The following INPP4B variants were observed in gnomAD, a reference collection of about 807,000 sequenced individuals.
INPP4B encodes inositol polyphosphate-4-phosphatase type II B, also known as inositol polyphosphate 4-phosphatase type II.
Under a neutral mutation model 122.5 loss-of-function variants are expected in INPP4B, and 55 were observed. The ratio of observed to expected loss-of-function variants is 0.45; its 90% CI spans 0.36 to 0.56. INPP4B has a LOEUF of 0.56. Ranked by LOEUF, INPP4B falls within the 20% of genes least tolerant of loss-of-function variation. The pLI is 0.00. For synonymous variants in INPP4B, 403 were observed against 388.7 expected (o/e 1.04, Z -0.43); for missense variants, 1,000 against 1,097.7 (o/e 0.91, Z 1.26).
intron 7 of INPP4B, among the ~76,000 whole-genome samples, chr4:142,333,044 T>C (rs1579764474): frequency 6.8e-6 from 1 of 147,536 alleles, no homozygotes; most frequent in African/African-American, 2.5e-5. Context: ...AAAAACCTTC[T>C]AAAACCGCAG....
chr4:142,306,776 G>A (rs1308076394), intron 8 of INPP4B, among the ~76,000 whole-genome samples: 2 of 152,182 alleles, frequency 1.3e-5, no homozygotes, highest in East Asian at 3.9e-4. Context: ...CCTGGAGGCT[G>A]AGGCAGGAGG....
chr4:142,623,764 T>C (rs1285441075), intron 2 of INPP4B, among the ~76,000 whole-genome samples: 1 of 142,520 alleles, frequency 7.0e-6, no homozygotes, highest in Non-Finnish European at 1.5e-5. Context: ...TTCCCCTTCC[T>C]GTGTCCATGT....
At chr4:142,054,146 C>A (rs1342348827) in intron 25 of INPP4B, among the ~76,000 whole-genome samples, 2 of 151,984 alleles carry the variant, frequency 1.3e-5, no homozygotes, top group African/African-American at 4.8e-5. Context: ...ATTCTCTGAT[C>A]ATACTGTATG....
chr4:142,280,167 C>T (rs903115298), intron 9 of INPP4B, among the ~76,000 whole-genome samples: 1 of 151,838 alleles, frequency 6.6e-6, no homozygotes, highest in African/African-American at 2.4e-5. Flanking sequence ...CACACACTTA[C>T]ATAAACCAGC....
intron 1 of INPP4B, among the ~76,000 whole-genome samples, chr4:142,820,198 T>G (rs1666323894): frequency 6.6e-6 from 1 of 152,168 alleles, no homozygotes; most frequent in South Asian, 2.1e-4. Context: ...CATGTTGAAG[T>G]CTTATCCCAA....
intron 2 of INPP4B, among the ~76,000 whole-genome samples, chr4:142,526,261 T>C (rs906294744): frequency 6.6e-5 from 10 of 152,016 alleles, no homozygotes; most frequent in Non-Finnish European, 1.5e-4. Context: ...AAAACAAATT[T>C]CATCTTGTAT....
intron 2 of INPP4B, among the ~76,000 whole-genome samples, chr4:142,559,372 T>C (rs1425521): frequency 0.96 from 146,787 of 152,128 alleles, 70,911 homozygotes; most frequent in Non-Finnish European, 0.99. Flanking sequence ...ATTCTTAATA[T>C]GTACCTTGTA....
In INPP4B at chr4:142,025,754, A is replaced by C. The variant is rs529644362; in HGVS notation, c.*3028T>G. The C allele has an allele frequency of 6.6e-6, 1 of 152,314 alleles. No individual in the cohort carries two copies. The highest frequency in any genetic ancestry group is 2.1e-4 in the South Asian group (1 of 4,830). 9.4% of individuals were successfully genotyped at this position (152,314 alleles called of 1,614,324 possible). A position where few individuals can be genotyped will look rare whatever the true frequency, so the allele number is the denominator to read the frequency against. ...GAAGAGGGGTTAGTCTTATAAAATA[A>C]GGGCTGGAGGCTGGGTCCATGGAGC... On this transcript the variant is annotated 3_prime_UTR_variant, in exon 26 of 26. Transcript: ENST00000262992.
At chr4:142,289,492 C>A (rs1487265687) in intron 9 of INPP4B, among the ~76,000 whole-genome samples, 1 of 152,130 alleles carries the variant, frequency 6.6e-6, no homozygotes, top group African/African-American at 2.4e-5. Context: ...GGGTATTAAT[C>A]CCAGCATCCA....
intron 2 of INPP4B, among the ~76,000 whole-genome samples, chr4:142,540,694 T>C (rs1385339913): frequency 6.6e-6 from 1 of 152,152 alleles, no homozygotes; most frequent in Non-Finnish European, 1.5e-5. Context: ...ATTCTAGGAA[T>C]CATGCATAGT....
chr4:142,629,654 A>T (rs139469158), intron 2 of INPP4B, among the ~76,000 whole-genome samples: 2 of 152,028 alleles, frequency 1.3e-5, no homozygotes, highest in African/African-American at 4.8e-5. Flanking sequence ...ATGAAAAAAC[A>T]TGACACACTT....
intron 12 of INPP4B, among the ~76,000 whole-genome samples, chr4:142,237,491 T>C (rs117756173): frequency 1.3e-5 from 2 of 152,236 alleles, no homozygotes; most frequent in East Asian, 3.9e-4. Flanking sequence ...TATTTTGTTA[T>C]TAAATCATCT....
At chr4:142,393,707 C>G (rs67947007) in intron 7 of INPP4B, among the ~76,000 whole-genome samples, 16,799 of 152,260 alleles carry the variant, frequency 0.11, 1,059 homozygotes, top group East Asian at 0.18. Flanking sequence ...ATAGCTGAGT[C>G]TTGGCCAATC....
At chr4:142,313,905 G>A (rs1057056951) in intron 8 of INPP4B, among the ~76,000 whole-genome samples, 1 of 152,166 alleles carries the variant, frequency 6.6e-6, no homozygotes, top group African/African-American at 2.4e-5. Context: ...TCCTTGGCAG[G>A]TTTGAGAAAG....
In INPP4B at chr4:142,490,497, T is replaced by C. The variant is rs80157863; in HGVS notation, c.-190-27771A>G. On this transcript the variant is annotated intron_variant, in intron 2 of 25. Transcript: ENST00000262992. ...TATGATGTTTTGATATATGTATACA[T>C]TGTGCAATAGCTAAATCAAGCTAAT... is the stretch of plus-strand genomic sequence containing the variant. Among the ~76,000 whole-genome samples the C allele has an allele frequency of 7.2e-3, 1,090 of 152,292 alleles. 16 individuals are homozygous for C. The highest frequency in any genetic ancestry group is 0.025 in the African/African-American group (1,033 of 41,554).
At chr4:142,605,534 G>T (rs1280070905) in intron 2 of INPP4B, among the ~76,000 whole-genome samples, 1 of 151,830 alleles carries the variant, frequency 6.6e-6, no homozygotes, top group Non-Finnish European at 1.5e-5. Context: ...TTATCCAACA[G>T]GGGACTGCTC....
At chr4:142,069,978 C>T (rs1313231347) in intron 25 of INPP4B, among the ~76,000 whole-genome samples, 1 of 151,628 alleles carries the variant, frequency 6.6e-6, no homozygotes, top group Non-Finnish European at 1.5e-5. Context: ...TCCTCCCTAA[C>T]TCATTTATGA....
At chr4:142,271,528 T>C (rs1011693409) in intron 9 of INPP4B, among the ~76,000 whole-genome samples, 2 of 152,252 alleles carry the variant, frequency 1.3e-5, no homozygotes, top group African/African-American at 4.8e-5. Context: ...ATGACTGGGC[T>C]ATTGGCTACA....
chr4:142,585,493 C>G (rs1216274771), intron 2 of INPP4B, among the ~76,000 whole-genome samples: 2 of 152,254 alleles, frequency 1.3e-5, no homozygotes, highest in East Asian at 3.9e-4. Context: ...CACACAAACT[C>G]TCTCTGTGGG....
Sources: allele counts gnomAD v4.1 joint callset (sites outside exome capture counted in the v4.1 genomes callset), GRCh38; gene constraint gnomAD v4.1.1; transcripts MANE v1.5; gene names NCBI Gene and HGNC (gene_info 2026-07-23, HGNC 2026-07-21).